The following C11orf65 variants were observed in gnomAD, a reference collection of about 807,000 sequenced individuals.
The protein encoded by C11orf65 is protein MFI.
C11orf65 carries 38 observed loss-of-function variants against 35.3 expected under a neutral mutation model. The observed-to-expected ratio is 1.08, with a 90% confidence interval of 0.83 to 1.41. The LOEUF (loss-of-function observed/expected upper bound fraction) is 1.41, where lower values mean the gene tolerates loss of function less well. Among genes scored for constraint, C11orf65 ranks in the 40% most tolerant of loss-of-function variants. C11orf65 has a pLI of 0.00. For synonymous variants in C11orf65, 105 were observed against 114.4 expected, an observed-to-expected ratio of 0.92 and a Z score of 0.53; for missense variants, 370 against 367.1, an observed-to-expected ratio of 1.01 and a Z score of -0.06.
chr11:108,453,531 A>C (rs1366996695), intron 2 of C11orf65, among the ~76,000 whole-genome samples: 2 of 152,192 alleles, frequency 1.3e-5, no homozygotes, highest in Admixed American at 6.5e-5. Flanking sequence ...AGGGCACAAA[A>C]AGATGAAAAG....
chr11:108,396,467 T>C (rs1226575390), intron 6 of C11orf65, among the ~76,000 whole-genome samples: 1 of 152,164 alleles, frequency 6.6e-6, no homozygotes, highest in Non-Finnish European at 1.5e-5. Context: ...AAGTATAAAA[T>C]GCACTTTGTT....
chr11:108,464,310 T>C (rs1343136873), intron 1 of C11orf65, among the ~76,000 whole-genome samples: 3 of 151,766 alleles, frequency 2.0e-5, no homozygotes, highest in Non-Finnish European at 4.4e-5. Flanking sequence ...TTTTTGTTTG[T>C]TTTCTGAGAC....
rs10588462 is a variant in C11orf65 at position 108,312,686 on chromosome 11, ACT to A, written c.641-3617_641-3616del. Among the ~76,000 whole-genome samples, 79,379 of 151,812 alleles carry A rather than the reference ACT, an allele frequency of 0.52. 21,631 individuals are homozygous for A. The highest frequency in any genetic ancestry group is 0.73 in the Middle Eastern group (212 of 292). ...TAGACAGACTTGAGTTCTAATACTG[ACT>A]CTGCCACTTCTTGAGTTCCTTATCT... On this transcript the variant is annotated intron_variant, in intron 6 of 6. Transcript: ENST00000525729.
At chr11:108,389,628 T>C (rs923375819) in intron 7 of C11orf65, among the ~76,000 whole-genome samples, 6 of 152,206 alleles carry the variant, frequency 3.9e-5, no homozygotes, top group Non-Finnish European at 2.9e-5. Flanking sequence ...CACTCCTATA[T>C]GCTATGAAGA....
chr11:108,418,052 G>C (rs1399167538), intron 3 of C11orf65, among the ~76,000 whole-genome samples: 1 of 151,144 alleles, frequency 6.6e-6, no homozygotes, highest in African/African-American at 2.4e-5. Flanking sequence ...AATGATAAAA[G>C]GTTCAATTCA....
chr11:108,403,859 G>A (rs2092487819), intron 6 of C11orf65, among the ~76,000 whole-genome samples: 1 of 152,138 alleles, frequency 6.6e-6, no homozygotes, highest in Non-Finnish European at 1.5e-5. Context: ...CTGTCGCCCA[G>A]GCTGGATAGT....
chr11:108,443,878 C>A (rs1357317601), intron 2 of C11orf65, among the ~76,000 whole-genome samples: 15 of 152,002 alleles, frequency 9.9e-5, no homozygotes, highest in African/African-American at 3.1e-4. Flanking sequence ...GAAAGATCTA[C>A]AATTGACACC....
At chr11:108,342,990 T>C (rs2087774024) in intron 2 of C11orf65, among the ~76,000 whole-genome samples, 1 of 152,166 alleles carries the variant, frequency 6.6e-6, no homozygotes, top group South Asian at 2.1e-4. Flanking sequence ...ATCGTGGGGA[T>C]TGAGTGATGG....
At chr11:108,444,928 G>T (rs1387635422) in intron 2 of C11orf65, among the ~76,000 whole-genome samples, 2 of 152,184 alleles carry the variant, frequency 1.3e-5, no homozygotes, top group Non-Finnish European at 2.9e-5. Context: ...TTTGCAACGG[G>T]CTTAAAAAAC....
chr11:108,408,605 G>A (rs1450620139), intron 3 of C11orf65, among the ~76,000 whole-genome samples: 1 of 151,116 alleles, frequency 6.6e-6, no homozygotes, highest in Non-Finnish European at 1.5e-5. Context: ...GAACCAGGGA[G>A]GTGGAGGCTT....
chr11:108,437,439 C>T (rs1223953301), intron 2 of C11orf65, among the ~76,000 whole-genome samples: 2 of 152,106 alleles, frequency 1.3e-5, no homozygotes, highest in East Asian at 3.9e-4. Context: ...GGTGCAGTGG[C>T]TCACGCCTGT....
At chr11:108,352,974 G>T (rs989501304) in intron 2 of C11orf65, among the ~76,000 whole-genome samples, 7 of 152,098 alleles carry the variant, frequency 4.6e-5, no homozygotes, top group Admixed American at 2.6e-4. Context: ...GTAAAGGGCA[G>T]TATGAAGGAT....
At chr11:108,431,635 T>C in intron 3 of C11orf65, 111 bp downstream of exon 3, 1 of 544,192 alleles carries the variant, frequency 1.8e-6, no homozygotes, top group Non-Finnish European at 3.0e-6. Flanking sequence ...TGTAATACTT[T>C]AATAAAAACA....
chr11:108,375,394 C>A (rs903574612), intron 2 of C11orf65, among the ~76,000 whole-genome samples: 9 of 151,252 alleles, frequency 6.0e-5, no homozygotes, highest in South Asian at 4.3e-4. Context: ...TAAGCTTCAT[C>A]AGTGAAGTAG....
chr11:108,465,620 C>A lies in C11orf65; in HGVS notation c.-10+1851G>T, dbSNP rs12283734. Among the ~76,000 whole-genome samples, 3 of 151,846 alleles carry A rather than the reference C, an allele frequency of 2.0e-5. No individual in the cohort carries two copies. The East Asian group carries it at 5.8e-4, about 29-fold the overall frequency. ...TGAGACAGTAAGTACAGTAGTAATT[C>A]TTTGGAGTGCTGTAAGGGAGCAGAA... On this transcript the variant is annotated intron_variant, in intron 1 of 8. Coordinates refer to ENST00000393084, the MANE Select transcript of C11orf65 (RefSeq NM_152587.5).
At chr11:108,323,682 A>G (rs1450328799) in intron 6 of C11orf65, among the ~76,000 whole-genome samples, 1 of 152,200 alleles carries the variant, frequency 6.6e-6, no homozygotes, top group Non-Finnish European at 1.5e-5. Flanking sequence ...TACAACTATT[A>G]TGTATCCATA....
chr11:108,348,920 C>T (rs536607790), intron 2 of C11orf65, among the ~76,000 whole-genome samples: 27 of 152,066 alleles, frequency 1.8e-4, no homozygotes, highest in African/African-American at 5.3e-4. Flanking sequence ...GGTTACTAAC[C>T]ACATCATCAC....
intron 2 of C11orf65, among the ~76,000 whole-genome samples, chr11:108,338,778 G>A (rs1036617723): frequency 2.6e-5 from 4 of 152,210 alleles, no homozygotes; most frequent in African/African-American, 7.2e-5. Context: ...TTAGAATTAC[G>A]ACAATAAGCC....
chr11:108,317,652 T>TATACACACACACACAC (rs1399501257), intron 6 of C11orf65: 111 of 118,336 alleles, frequency 9.4e-4, no homozygotes, highest in African/African-American at 5.0e-3. Flanking sequence ...TATATATATA[T>TATACACACACACACAC]ACACACACAC....
Sources: gnomAD v4.1 joint callset for allele counts (sites outside exome capture counted in the v4.1 genomes callset) on GRCh38, gnomAD v4.1.1 for gene constraint, MANE v1.5 for transcripts, NCBI Gene and HGNC (gene_info 2026-07-23, HGNC 2026-07-21) for gene names.